The following KRI1 variants were observed in gnomAD, a reference collection of about 807,000 sequenced individuals.
The protein encoded by KRI1 is protein KRI1 homolog.
A neutral mutation model predicts 97.0 loss-of-function variants in KRI1; 83 were observed. That is an observed-to-expected ratio of 0.86 (90% CI 0.72 to 1.03). The LOEUF (loss-of-function observed/expected upper bound fraction) is 1.03. Ranked by LOEUF, KRI1 falls within the 50% of genes least tolerant of loss-of-function variation. The pLI is 0.00. For missense variants in KRI1, 916 were observed against 928.4 expected, an observed-to-expected ratio of 0.99 and a Z score of 0.17; for synonymous variants, 371 against 363.5, an observed-to-expected ratio of 1.02 and a Z score of -0.23.
chr19:10,563,049 ATTAT>A (rs1264731893), intron 3 of KRI1, among the ~76,000 whole-genome samples: 6 of 151,764 alleles, frequency 4.0e-5, no homozygotes, highest in South Asian at 2.1e-4. Flanking sequence ...TATTGTTGTT[ATTAT>A]TTATTTACTT....
At chr19:10,558,505 C>G (rs1374425234) in intron 12 of KRI1, among the ~76,000 whole-genome samples, 1 of 152,116 alleles carries the variant, frequency 6.6e-6, no homozygotes, top group African/African-American at 2.4e-5. Flanking sequence ...CACCTTCGCC[C>G]CTGTGGTGCC....
In KRI1 at chr19:10,553,985, C is replaced by A; in HGVS notation, c.2078G>T (p.Arg693Leu). The part of the protein sequence containing the change: ...RLHFRQLGRQ[R>L]RKQQGPKNSS ...GTTCTTGGGCCCCTGTTGTTTCCTC[C>A]GCTGCCGGCCCAGCTGGCGGAAGTG... Residue 693 changes from arginine (R) to leucine (L), a missense_variant, in exon 19 of 19, where the codon CGG becomes CTG. Arg to Leu is a moderately radical substitution (Grantham distance 102). Transcript: ENST00000312962. 2 of 1,611,294 alleles carry A rather than the reference C, an allele frequency of 1.2e-6. No homozygotes were observed. The highest frequency in any genetic ancestry group is 3.3e-4 in the Middle Eastern group (2 of 6,046).
chr19:10,559,957 A>G, intron 9 of KRI1, 21 bp from the exon 10 acceptor site: 1 of 1,606,572 alleles, frequency 6.2e-7, no homozygotes, highest in Non-Finnish European at 8.5e-7. Flanking sequence ...AGATGTGGTG[A>G]TGCCAGGGGG....
At chr19:10,565,847 C>A (rs781425171) in intron 1 of KRI1, 57 bp from the exon 2 acceptor site, 8 of 1,543,178 alleles carry the variant, frequency 5.2e-6, no homozygotes, top group Non-Finnish European at 6.1e-6. Flanking sequence ...CCACTCGACT[C>A]CCCACTTCCC....
At chr19:10,560,581 T>C in intron 8 of KRI1, 133 bp from the exon 9 acceptor site, 2 of 654,782 alleles carry the variant, frequency 3.1e-6, no homozygotes, top group South Asian at 3.9e-5. Context: ...TTATTTTTAT[T>C]TCGAGACAGG....
intron 4 of KRI1, 54 bp from the exon 5 acceptor site, chr19:10,561,899 C>T: frequency 1.3e-6 from 2 of 1,531,090 alleles, no homozygotes; most frequent in Non-Finnish European, 1.8e-6. Context: ...CCGCCTGTCC[C>T]CATGCCCATG....
Position 10,554,145 on chromosome 19 carries a change from G to A in KRI1, c.1918C>T (p.Pro640Ser), listed in dbSNP as rs201432086. 9 of 1,614,088 alleles carry A rather than the reference G, an allele frequency of 5.6e-6. No homozygotes were observed. The East Asian group carries it at 8.9e-5, about 16-fold the overall frequency. ...TTCTGGGGGGCTGGCTTCTTGTGGG[G>A]TGATACAGGGGCTTCCTCTTCCTGT... is the stretch of plus-strand genomic sequence containing the variant. ...PAQEEEAPVSPHKKPAPQKRR... is the reference protein window; with the variant it reads ...PAQEEEAPVSSHKKPAPQKRR... The change falls in exon 19 of 19, where the codon CCC becomes TCC. Residue 640 changes from proline to serine, a missense_variant. Pro to Ser is a moderately conservative substitution (Grantham distance 74). Transcript: ENST00000312962.
Position 10,559,601 on chromosome 19 carries a change from C to A in KRI1, c.1023+12G>T. ...GCTGGGGGGTCCTCCCCAGCTCACC[C>A]CCCACACTCACCCTCTTCTTTCGCT... On this transcript the variant is annotated intron_variant, in intron 11 of 18. Coordinates refer to ENST00000312962, the MANE Select transcript of KRI1 (RefSeq NM_023008.5). The A allele has an allele frequency of 6.2e-7, 1 of 1,613,940 alleles. No homozygotes were observed. The highest frequency in any genetic ancestry group is 8.5e-7 in the Non-Finnish European group (1 of 1,179,978).
intron 18 of KRI1, 136 bp downstream of exon 18, chr19:10,554,951 A>T: frequency 6.1e-6 from 4 of 655,538 alleles, no homozygotes; most frequent in Non-Finnish European, 1.1e-5. Context: ...TGGTGCCCAT[A>T]TAGGATTCGA....
At chr19:10,558,447 C>T (rs557966504) in intron 12 of KRI1, among the ~76,000 whole-genome samples, 1 of 152,282 alleles carries the variant, frequency 6.6e-6, no homozygotes, top group African/African-American at 2.4e-5. Flanking sequence ...CTGTGATGTA[C>T]TGGCCGCCAT....
chr19:10,565,902 T>A lies in KRI1; in HGVS notation c.94+4A>T. 1 of 1,531,348 alleles carries A rather than the reference T, an allele frequency of 6.5e-7. No homozygotes were observed. The highest frequency in any genetic ancestry group is 8.8e-7 in the Non-Finnish European group (1 of 1,139,052). The allele number at this position is 1,531,348 out of a possible 1,614,324, so 94.9% of individuals were successfully genotyped here. On this transcript the variant is annotated splice_donor_region_variant and intron_variant, in intron 1 of 18. Transcript: ENST00000312962. ...GCTCCCGCGCGCATGCGCCCCGCACTCACGCCGCTGCAGTTCCTCGCGCTC... is the reference window on the plus strand; with the variant it reads ...GCTCCCGCGCGCATGCGCCCCGCACACACGCCGCTGCAGTTCCTCGCGCTC...
chr19:10,558,475 C>T (rs573169617), intron 12 of KRI1, among the ~76,000 whole-genome samples: 1 of 152,296 alleles, frequency 6.6e-6, no homozygotes, highest in Admixed American at 6.5e-5. Context: ...CACATATCCA[C>T]AGTTCTTCGC....
In KRI1 at chr19:10,562,745, T is replaced by C; in HGVS notation, c.367A>G (p.Ile123Val). The change falls in exon 4 of 19, where the codon ATC (isoleucine) becomes GTC (valine). Residue 123 changes from isoleucine to valine, a missense_variant. Physicochemically the swap from Ile to Val is conservative, Grantham distance 29. Coordinates refer to ENST00000312962, the MANE Select transcript of KRI1 (RefSeq NM_023008.5). Reference protein sequence around the residue: ...MYLKDYERKVILEKAGKYVDE... With the variant: ...MYLKDYERKVVLEKAGKYVDE... ...TCTCCATACCCTGCCTTCTCCAAGA[T>C]AACCTTCCTCTCGTAGTCCTTCAGG... 1 of 1,603,716 alleles carries C rather than the reference T, an allele frequency of 6.2e-7. No homozygotes were observed. The highest frequency in any genetic ancestry group is 1.1e-5 in the South Asian group (1 of 90,862).
Position 10,562,758 on chromosome 19 carries a change from G to A in KRI1, c.354C>T (p.Tyr118=), listed in dbSNP as rs143731971. 2.4e-5 allele frequency: 38 copies of A among 1,608,994 alleles called. No homozygotes were observed. Among genetic ancestry groups the A allele is most frequent in the African/African-American group, 1.9e-4 (14 of 74,786 alleles). Residue 118 remains tyrosine, a synonymous_variant, in exon 4 of 19, where the codon TAC becomes TAT. Transcript: ENST00000312962. The part of the protein sequence containing the change: ...KKVRPMYLKD[Y]ERKVILEKAG... ...CCTTCTCCAAGATAACCTTCCTCTCGTAGTCCTTCAGGTACATGGGCCGCA... is the reference window on the plus strand; with the variant it reads ...CCTTCTCCAAGATAACCTTCCTCTCATAGTCCTTCAGGTACATGGGCCGCA...
chr19:10,557,785 C>A lies in KRI1; in HGVS notation c.1470G>T (p.Lys490Asn), dbSNP rs1916551882. 6.2e-7 allele frequency: 1 copy of A among 1,613,294 alleles called. No individual in the cohort carries two copies. The change falls in exon 15 of 19, where the codon AAG becomes AAT. Residue 490 changes from lysine (K) to asparagine (N), a missense_variant. Around this residue, in one of 3 missense-constraint regions of KRI1, gnomAD observed 672 missense variants for 667.2 expected, o/e 1.01. Transcript: ENST00000312962. ...SPFAAAVGQE[K>N]PVFEPGDKTF... ...GGGCCTCACCGGGTTCAAACACGGGCTTCTCCTGCCCCACGGCCGCGGCGA... is the reference window on the plus strand; with the variant it reads ...GGGCCTCACCGGGTTCAAACACGGGATTCTCCTGCCCCACGGCCGCGGCGA...
chr19:10,565,142 G>T, intron 2 of KRI1, 108 bp from the exon 3 acceptor site: 1 of 752,902 alleles, frequency 1.3e-6, no homozygotes. Flanking sequence ...GGGTGGATCT[G>T]GCTGGGGAGG....
Position 10,559,397 on chromosome 19 carries a change from C to T in KRI1, c.1156G>A (p.Asp386Asn). The change falls in exon 12 of 19, where the codon GAC becomes AAC. Residue 386 changes from aspartate to asparagine, a missense_variant. This residue lies in a region of KRI1 where 672 missense variants were observed against 667.2 expected (regional missense o/e 1.01). Coordinates refer to ENST00000312962, the MANE Select transcript of KRI1 (RefSeq NM_023008.5). ...TCGTGCTGGGCAGGGTCGAAGTCGT[C>T]TTCAAGGTCCCCCTCCTCGAGGCCC... ...MLGLEEGDLEDDFDPAQHDQL... is the reference protein window; with the variant it reads ...MLGLEEGDLENDFDPAQHDQL... 1.2e-6 allele frequency: 2 copies of T among 1,614,136 alleles called. No individual in the cohort carries two copies. The highest frequency in any genetic ancestry group is 1.1e-5 in the South Asian group (1 of 91,082).
In KRI1 at chr19:10,565,985, G is replaced by A. The variant is rs750034309; in HGVS notation, c.15C>T (p.Arg5=). 5 of 1,522,072 alleles carry A rather than the reference G, an allele frequency of 3.3e-6. No individual in the cohort carries two copies. Among genetic ancestry groups the A allele is most frequent in the Non-Finnish European group, 3.5e-6 (4 of 1,139,750 alleles). 94.3% of individuals were successfully genotyped at this position (1,522,072 alleles called of 1,614,324 possible). The change falls in exon 1 of 19, where the codon CGC becomes CGT. Residue 5 remains arginine (R), a synonymous_variant. Coordinates refer to ENST00000312962, the MANE Select transcript of KRI1 (RefSeq NM_023008.5). MPEP[R]GSSQLRVNAA... is the part of the protein sequence containing the mutation. ...CGTTCACCCGCAGCTGCGACGACCC[G>A]CGCGGTTCCGGCATGGCGGTTCTGT...
Position 10,553,154 on chromosome 19 carries a change from T to C in KRI1, c.*797A>G, listed in dbSNP as rs1916356611. 2.4e-5 allele frequency: 34 copies of C among 1,428,458 alleles called. No individual in the cohort carries two copies. In the South Asian group the frequency reaches 4.4e-4, roughly 18 times the overall value. 88.5% of individuals were successfully genotyped at this position (1,428,458 alleles called of 1,614,324 possible). ...GTGGGATCTTGAGCTCTGGCAGTGA[T>C]GATGGTACTTCCTGTTGTCAGCCCC... On this transcript the variant is annotated 3_prime_UTR_variant, in exon 19 of 19. Transcript: ENST00000312962.
Sources: gnomAD v4.1 joint callset for allele counts (sites outside exome capture counted in the v4.1 genomes callset) on GRCh38, gnomAD v4.1.1 for gene constraint, gnomAD v4.1.1 regional missense constraint, MANE v1.5 for transcripts, NCBI Gene and HGNC (gene_info 2026-07-23, HGNC 2026-07-21) for gene names.